NLE1: variants seen among roughly 807,000 people sequenced by gnomAD.
NLE1 encodes the protein notchless homolog 1.
NLE1 carries 37 observed loss-of-function variants against 62.8 expected under a neutral mutation model. The ratio of observed to expected loss-of-function variants is 0.59; its 90% CI spans 0.45 to 0.78. NLE1 has a LOEUF of 0.78. Among genes scored for constraint, NLE1 ranks in the 30% least tolerant of loss-of-function variants. NLE1 has a pLI of 0.00. For missense variants in NLE1, 555 were observed against 637.9 expected (o/e 0.87, Z 1.40); for synonymous variants, 243 against 253.0 (o/e 0.96, Z 0.37).
rs549076825 is a variant in NLE1, at chr17:35,140,196, C to T, written c.163-130G>A. ...TCAGCCATCGTGCTAGGGATACCCCCATCATTGCCCATTGAGCAAGACCTT... is the reference window on the plus strand; with the variant it reads ...TCAGCCATCGTGCTAGGGATACCCCTATCATTGCCCATTGAGCAAGACCTT... On this transcript the variant is annotated intron_variant, in intron 2 of 12. Transcript: ENST00000442241. The T allele has an allele frequency of 3.8e-4, 340 of 905,398 alleles. 11 individuals carry two copies. In the South Asian group the frequency reaches 5.8e-3, roughly 15 times the overall value. 56.1% of individuals were successfully genotyped at this position (905,398 alleles called of 1,614,324 possible).
chr17:35,133,410 C>T lies in NLE1; in HGVS notation c.1303G>A (p.Asp435Asn), dbSNP rs762162494. 1 of 1,614,134 alleles carries T rather than the reference C, an allele frequency of 6.2e-7. No individual in the cohort carries two copies. ...ACATCCCACACCTTCAGTGTGCTGT[C>T]ACTGCTGCCGCTGACCAGGAGCCGA... is the stretch of plus-strand genomic sequence containing the variant. Reference protein sequence around the residue: ...DSRLLVSGSSDSTLKVWDVKA... With the variant: ...DSRLLVSGSSNSTLKVWDVKA... The change falls in exon 11 of 13, where the codon GAC (aspartate) becomes AAC (asparagine). Residue 435 changes from aspartate (D) to asparagine (N), a missense_variant. Transcript: ENST00000442241.
At position 35,129,237 on chromosome 17, in the gene NLE1, G is replaced by A. The variant is rs1177508564; in HGVS notation, c.*3200C>T. 8.2e-6 allele frequency: 6 copies of A among 727,966 alleles called. No individual in the cohort carries two copies. The highest frequency in any genetic ancestry group is 7.6e-5 in the East Asian group (3 of 39,702). 45.1% of individuals were successfully genotyped at this position (727,966 alleles called of 1,614,324 possible). A position where few individuals can be genotyped will look rare whatever the true frequency, so the allele number is the denominator to read the frequency against. On this transcript the variant is annotated 3_prime_UTR_variant, in exon 13 of 13. Coordinates refer to ENST00000442241, the MANE Select transcript of NLE1 (RefSeq NM_018096.5). Reference sequence around the variant, plus strand: ...GTGGGTGGGGCTGCCCAGGAGAGTAGTACATGCTTCGGGGCAGGGGTTCCA... The same window carrying A: ...GTGGGTGGGGCTGCCCAGGAGAGTAATACATGCTTCGGGGCAGGGGTTCCA...
Position 35,130,167 on chromosome 17 carries a change from A to G in NLE1, c.*2270T>C. 1.3e-6 allele frequency: 2 copies of G among 1,481,808 alleles called. No homozygotes were observed. Among genetic ancestry groups the G allele is most frequent in the Non-Finnish European group, 1.8e-6 (2 of 1,119,270 alleles). The allele number at this position is 1,481,808 out of a possible 1,614,324, so 91.8% of individuals were successfully genotyped here. On this transcript the variant is annotated 3_prime_UTR_variant, in exon 13 of 13. Coordinates refer to ENST00000442241, the MANE Select transcript of NLE1 (RefSeq NM_018096.5). ...TCCTGCGTCAATGGCTAGGTTGGAT[A>G]AGGCTGTTTAAGGTCTGAGTCAGCA...
rs999940272 is a variant in NLE1, at chr17:35,129,328, T to G, written c.*3109A>C. On this transcript the variant is annotated 3_prime_UTR_variant, in exon 13 of 13. Transcript: ENST00000442241. ...CCTGGGCCCCAGCAGGAGCAGGGGA[T>G]GGGCATGGGACGTCCTGACCCCAGT... 83 of 1,497,770 alleles carry G rather than the reference T, an allele frequency of 5.5e-5. No homozygotes were observed. Among genetic ancestry groups the G allele is most frequent in the Admixed American group, 1.1e-4 (6 of 53,698 alleles). 92.8% of individuals were successfully genotyped at this position (1,497,770 alleles called of 1,614,324 possible). A position where few individuals can be genotyped will look rare whatever the true frequency, so the allele number is the denominator to read the frequency against.
intron 1 of NLE1, 46 bp downstream of exon 1, chr17:35,142,192 GGCCTCAGGGACCCGGGCCCT>G: frequency 6.3e-7 from 1 of 1,592,788 alleles, no homozygotes; most frequent in East Asian, 2.3e-5. Flanking sequence ...GCCTCTCTCA[GGCCTCAGGGACCCGGGCCCT>G]AGCGCCCCGC....
chr17:35,137,180 G>A lies in NLE1; in HGVS notation c.649C>T (p.Arg217Cys), dbSNP rs147564941. The A allele has an allele frequency of 1.7e-5, 28 of 1,607,728 alleles. No homozygotes were observed. Among genetic ancestry groups the A allele is most frequent in the African/African-American group, 4.0e-5 (3 of 74,892 alleles). ...TCCTTGGAGCTGCTGGCCACATAGC[G>A]GCACTCAGGGTTCCTGGAGAGAAGG... ...WEPLHANPEC[R>C]YVASSSKDGS... The change falls in exon 7 of 13, where the codon CGC becomes TGC. Residue 217 changes from arginine to cysteine, a missense_variant. Arg to Cys is a radical substitution (Grantham distance 180). Coordinates refer to ENST00000442241, the MANE Select transcript of NLE1 (RefSeq NM_018096.5).
At chr17:35,141,318 C>A (rs2091942225) in intron 2 of NLE1, among the ~76,000 whole-genome samples, 1 of 152,060 alleles carries the variant, frequency 6.6e-6, no homozygotes, top group Admixed American at 6.6e-5. Context: ...GAGGCCAAGG[C>A]GGGAGGATCA....
chr17:35,139,036 A>T (rs953301788), intron 4 of NLE1, among the ~76,000 whole-genome samples, 199 bp downstream of exon 4: 1 of 152,118 alleles, frequency 6.6e-6, no homozygotes, highest in Admixed American at 6.6e-5. Context: ...AAAACGAGCC[A>T]GGTGTGATGG....
intron 4 of NLE1, 77 bp from the exon 5 acceptor site, chr17:35,137,967 C>T (rs893278500): frequency 1.1e-5 from 11 of 985,380 alleles, no homozygotes; most frequent in Admixed American, 1.0e-4. Context: ...CTGTCAGGTG[C>T]CAGGTACTCC....
chr17:35,141,908 T>A, intron 2 of NLE1, 71 bp downstream of exon 2: 1 of 1,485,626 alleles, frequency 6.7e-7, no homozygotes, highest in Non-Finnish European at 9.1e-7. Flanking sequence ...CCGCAGACCC[T>A]CGGTAATATG....
Position 35,129,372 on chromosome 17 carries a change from G to A in NLE1, c.*3065C>T, listed in dbSNP as rs752319824. On this transcript the variant is annotated 3_prime_UTR_variant, in exon 13 of 13. Coordinates refer to ENST00000442241, the MANE Select transcript of NLE1 (RefSeq NM_018096.5). The stretch of plus-strand genomic sequence containing the variant: ...CCCCAGTTGGGAGGGTGAAGGGACA[G>A]GAAGGACAGGACATATCTGAGGAAG... The A allele has an allele frequency of 2.5e-6, 4 of 1,588,176 alleles. No homozygotes were observed. The South Asian group carries it at 4.6e-5, about 18-fold the overall frequency.
In NLE1 at chr17:35,139,987, G is replaced by A; in HGVS notation, c.242C>T (p.Ala81Val). Residue 81 changes from alanine to valine, a missense_variant, in exon 3 of 13, where the codon GCA (alanine) becomes GTA (valine). Ala to Val is a moderately conservative substitution (Grantham distance 64, BLOSUM62 0). Coordinates refer to ENST00000442241, the MANE Select transcript of NLE1 (RefSeq NM_018096.5). ...SSLGKTLESQAVETEKVLDII... is the reference protein window; with the variant it reads ...SSLGKTLESQVVETEKVLDII... Reference sequence around the variant, plus strand: ...GTCTAGGACCTTCTCTGTCTCCACTGCCTGGGACTCCAACGTCTTCCCCAG... The same window carrying A: ...GTCTAGGACCTTCTCTGTCTCCACTACCTGGGACTCCAACGTCTTCCCCAG... 5.6e-6 allele frequency: 9 copies of A among 1,614,146 alleles called. No homozygotes were observed. Among genetic ancestry groups the A allele is most frequent in the Non-Finnish European group, 7.6e-6 (9 of 1,180,022 alleles).
At chr17:35,133,981 G>T (rs191996188) in intron 10 of NLE1, among the ~76,000 whole-genome samples, 1 of 152,298 alleles carries the variant, frequency 6.6e-6, no homozygotes, top group Admixed American at 6.5e-5. Flanking sequence ...AAGGGTTGCT[G>T]TGTGAAAACA....
chr17:35,137,470 A>G, intron 6 of NLE1, 73 bp downstream of exon 6: 1 of 1,262,568 alleles, frequency 7.9e-7, no homozygotes, highest in Non-Finnish European at 1.1e-6. Flanking sequence ...TAAAACTTCT[A>G]TGCATTGGGC....
chr17:35,130,318 G>A lies in NLE1; in HGVS notation c.*2119C>T. The A allele has an allele frequency of 6.2e-7, 1 of 1,614,058 alleles. No individual in the cohort carries two copies. Among genetic ancestry groups the A allele is most frequent in the East Asian group, 2.2e-5 (1 of 44,884 alleles). On this transcript the variant is annotated 3_prime_UTR_variant, in exon 13 of 13. Transcript: ENST00000442241. The stretch of plus-strand genomic sequence containing the variant: ...GGCCACTGACTTCAGCAGCTTTCCT[G>A]AGAACTACCCCATCCAGATCACCGT...
At position 35,132,391 on chromosome 17, in the gene NLE1, G is replaced by A; in HGVS notation, c.*46C>T. Reference sequence around the variant, plus strand: ...TGTTCTCTGGCAGGGAAGGCAGCTGGCAGAGGCCGAGTCGAGGTGGGGGTC... The same window carrying A: ...TGTTCTCTGGCAGGGAAGGCAGCTGACAGAGGCCGAGTCGAGGTGGGGGTC... On this transcript the variant is annotated 3_prime_UTR_variant, in exon 13 of 13. Transcript: ENST00000442241. 1 of 1,435,992 alleles carries A rather than the reference G, an allele frequency of 7.0e-7. No homozygotes were observed. The highest frequency in any genetic ancestry group is 9.2e-7 in the Non-Finnish European group (1 of 1,088,046). The allele number at this position is 1,435,992 out of a possible 1,614,324, so 89.0% of individuals were successfully genotyped here.
At position 35,133,181 on chromosome 17, in the gene NLE1, A is replaced by T; in HGVS notation, c.1435T>A (p.Cys479Ser). The change falls in exon 12 of 13, where the codon TGC becomes AGC. Residue 479 changes from cysteine to serine, a missense_variant. Coordinates refer to ENST00000442241, the MANE Select transcript of NLE1 (RefSeq NM_018096.5). ...QRVASGGKDKCLRIWRR is the reference protein window; with the variant it reads ...QRVASGGKDKSLRIWRR ...TTCCCCCACACTCACATCCGGAGGC[A>T]TTTGTCCTTCCCACCACTTGCCACT... The T allele has an allele frequency of 2.5e-6, 4 of 1,614,134 alleles. No homozygotes were observed. The highest frequency in any genetic ancestry group is 1.6e-4 in the Middle Eastern group (1 of 6,062).
Position 35,135,230 on chromosome 17 carries a change from A to C in NLE1, c.1214+19T>G, listed in dbSNP as rs543992155. 1.2e-6 allele frequency: 2 copies of C among 1,612,554 alleles called. No individual in the cohort carries two copies. The highest frequency in any genetic ancestry group is 2.2e-5 in the South Asian group (2 of 91,042). On this transcript the variant is annotated intron_variant, in intron 10 of 12. Transcript: ENST00000442241. ...CACCATTCACTCCTTACAGAGAAGC[A>C]GTACCCACCCCTACTCACTTGCCCG...
At chr17:35,136,532 T>A (rs1405800966) in intron 7 of NLE1, 35 bp from the exon 8 acceptor site, 1 of 1,589,194 alleles carries the variant, frequency 6.3e-7, no homozygotes, top group Non-Finnish European at 8.6e-7. Flanking sequence ...ACACACACAC[T>A]CCTCCCCACG....
Sources: gnomAD v4.1 joint callset for allele counts (sites outside exome capture counted in the v4.1 genomes callset) on GRCh38, gnomAD v4.1.1 for gene constraint, MANE v1.5 for transcripts, NCBI Gene and HGNC (gene_info 2026-07-23, HGNC 2026-07-21) for gene names.